Variants in SCMH1 observed in about 807,000 individuals in gnomAD.
SCMH1 encodes the protein Scm polycomb group protein homolog 1.
A neutral mutation model predicts 70.8 loss-of-function variants in SCMH1; 37 were observed. The ratio of observed to expected loss-of-function variants is 0.52; its 90% CI spans 0.40 to 0.69. The LOEUF (loss-of-function observed/expected upper bound fraction) is 0.69. Ranked by LOEUF, SCMH1 falls within the 30% of genes least tolerant of loss-of-function variation. The probability of loss-of-function intolerance (pLI) is 0.00; values close to 1 mark genes in which losing one functional copy is unlikely to be tolerated. For synonymous variants in SCMH1, 292 were observed against 307.4 expected, an observed-to-expected ratio of 0.95 and a Z score of 0.52; for missense variants, 607 against 827.3, an observed-to-expected ratio of 0.73 and a Z score of 3.27.
intron 1 of SCMH1, among the ~76,000 whole-genome samples, chr1:41,213,733 C>T (rs1290893319): frequency 6.6e-6 from 1 of 152,092 alleles, no homozygotes; most frequent in Non-Finnish European, 1.5e-5. Context: ...TTCAGGTTTT[C>T]ATTTCTTTAT....
intron 9 of SCMH1, 134 bp downstream of exon 9, chr1:41,075,085 A>G: frequency 2.5e-6 from 2 of 784,688 alleles, no homozygotes; most frequent in South Asian, 1.6e-5. Context: ...GATGGTCTCG[A>G]TCTCCTGACC....
intron 8 of SCMH1, among the ~76,000 whole-genome samples, chr1:41,081,858 T>A (rs368261370): frequency 6.6e-6 from 1 of 151,822 alleles, no homozygotes; most frequent in East Asian, 1.9e-4. Flanking sequence ...CAAGGGTAGA[T>A]GAATGAATCA....
intron 1 of SCMH1, among the ~76,000 whole-genome samples, chr1:41,215,869 C>G (rs1657974515): frequency 6.6e-6 from 1 of 152,146 alleles, no homozygotes. Flanking sequence ...GCATCAGATC[C>G]ATGTTTGCTG....
chr1:41,046,790 G>A (rs1271119476), intron 11 of SCMH1, 192 bp from the exon 12 acceptor site: 2 of 578,140 alleles, frequency 3.5e-6, no homozygotes, highest in Non-Finnish European at 6.2e-6. Flanking sequence ...CAACTGTAAA[G>A]GGCTTGCAAA....
At chr1:41,090,414 G>A (rs796581348) in intron 8 of SCMH1, among the ~76,000 whole-genome samples, 14 of 152,090 alleles carry the variant, frequency 9.2e-5, no homozygotes, top group African/African-American at 2.7e-4. Flanking sequence ...GTTGCCATAC[G>A]TAATTTTTGG....
rs748168585 is a variant in SCMH1, at chr1:41,172,650, A to G, written c.14-11218T>C. Among the ~76,000 whole-genome samples the G allele has an allele frequency of 4.1e-4, 63 of 152,344 alleles. 2 individuals are homozygous for G. The highest frequency in any genetic ancestry group is 3.4e-3 in the Middle Eastern group (1 of 294). Reference sequence around the variant, plus strand: ...AAAGCAAACCTGAGCAAAAAAGAACAAAGCTGGAGGCATCACATTACTGGA... The same window carrying G: ...AAAGCAAACCTGAGCAAAAAAGAACGAAGCTGGAGGCATCACATTACTGGA... On this transcript the variant is annotated intron_variant, in intron 2 of 14. Transcript: ENST00000337495.
intron 6 of SCMH1, among the ~76,000 whole-genome samples, chr1:41,126,075 A>T (rs1350619607): frequency 6.6e-6 from 1 of 152,200 alleles, no homozygotes; most frequent in African/African-American, 2.4e-5. Flanking sequence ...TCCAATTCAA[A>T]TCCAATACTA....
intron 8 of SCMH1, among the ~76,000 whole-genome samples, chr1:41,102,558 C>A (rs1378309816): frequency 6.6e-6 from 1 of 152,200 alleles, no homozygotes; most frequent in Non-Finnish European, 1.5e-5. Context: ...ACCTCTGCAA[C>A]TACAAAGACA....
At chr1:41,143,807 G>A (rs1189722969) in intron 5 of SCMH1, among the ~76,000 whole-genome samples, 1 of 152,122 alleles carries the variant, frequency 6.6e-6, no homozygotes, top group African/African-American at 2.4e-5. Context: ...ACTGTAGATT[G>A]CTTTGCGTTT....
chr1:41,099,382 T>A (rs12124836), intron 8 of SCMH1, among the ~76,000 whole-genome samples: 1 of 152,182 alleles, frequency 6.6e-6, no homozygotes, highest in East Asian at 1.9e-4. Context: ...GGTCTCACTA[T>A]GCATTTCCAA....
intron 1 of SCMH1, among the ~76,000 whole-genome samples, chr1:41,225,351 C>T (rs1660058978): frequency 6.6e-6 from 1 of 152,090 alleles, no homozygotes; most frequent in African/African-American, 2.4e-5. Context: ...ATATAGTTTG[C>T]CTGAAACCAA....
rs539870048 is a variant in SCMH1, at chr1:41,150,376, A to C, written c.177+1238T>G. Among the ~76,000 whole-genome samples the C allele has an allele frequency of 5.9e-5, 9 of 152,104 alleles. No individual in the cohort carries two copies. The South Asian group carries it at 1.9e-3, about 32-fold the overall frequency. On this transcript the variant is annotated intron_variant, in intron 5 of 14. Transcript: ENST00000337495. ...AAATTAGCCAGGCATGTTGGTGTGC[A>C]CCTGTAGTCCCAGCTACTCGGGAGG... is the stretch of plus-strand genomic sequence containing the variant.
chr1:41,177,468 T>C (rs575131591), intron 2 of SCMH1, among the ~76,000 whole-genome samples: 7 of 152,144 alleles, frequency 4.6e-5, no homozygotes, highest in African/African-American at 1.7e-4. Context: ...TTCGAACCCA[T>C]GGCAAAGAAG....
intron 5 of SCMH1, among the ~76,000 whole-genome samples, chr1:41,149,557 A>G (rs1019853782): frequency 4.6e-5 from 7 of 152,032 alleles, no homozygotes; most frequent in African/African-American, 1.7e-4. Context: ...GATCTGGTGA[A>G]TTTTACCTGA....
chr1:41,134,004 C>T (rs1642836133), intron 6 of SCMH1, among the ~76,000 whole-genome samples: 1 of 152,222 alleles, frequency 6.6e-6, no homozygotes, highest in African/African-American at 2.4e-5. Flanking sequence ...AGACCACTAT[C>T]ACTGATGAAC....
intron 2 of SCMH1, among the ~76,000 whole-genome samples, chr1:41,176,030 A>C (rs1387818977): frequency 6.6e-6 from 1 of 151,786 alleles, no homozygotes; most frequent in Admixed American, 6.6e-5. Context: ...GTGAGCTACC[A>C]GTATACACAA....
exon 15 of SCMH1, chr1:41,027,867 C>A (rs1643972311): frequency 1.0e-5 from 3 of 299,876 alleles, no homozygotes; most frequent in Non-Finnish European, 1.2e-5. Context: ...CAGAGTTGGC[C>A]TTTTCCTCCA....
exon 15 of SCMH1, chr1:41,028,019 C>T: frequency 5.6e-6 from 4 of 720,638 alleles, no homozygotes; most frequent in Middle Eastern, 2.9e-4. Flanking sequence ...CTCAGTCCTT[C>T]ATGGAAGGAC....
At chr1:41,141,988 T>G (rs965689772) in intron 6 of SCMH1, among the ~76,000 whole-genome samples, 2 of 152,230 alleles carry the variant, frequency 1.3e-5, no homozygotes, top group African/African-American at 4.8e-5. Flanking sequence ...AAAATCATGC[T>G]ATGTTTAACA....
Sources: allele counts gnomAD v4.1 joint callset (sites outside exome capture counted in the v4.1 genomes callset), GRCh38; gene constraint gnomAD v4.1.1; transcripts MANE v1.5; gene names NCBI Gene and HGNC (gene_info 2026-07-23, HGNC 2026-07-21).